Variants in IL17RC observed in about 807,000 individuals in gnomAD.
IL17RC encodes the protein interleukin 17 receptor C.
A neutral mutation model predicts 86.7 loss-of-function variants in IL17RC; 53 were observed. The ratio of observed to expected loss-of-function variants is 0.61; its 90% CI spans 0.49 to 0.77. The LOEUF is 0.77. Ranked by LOEUF, IL17RC falls within the 30% of genes least tolerant of loss-of-function variation. The pLI is 0.00. For missense variants in IL17RC, 957 were observed against 940.0 expected (o/e 1.02, Z -0.24); for synonymous variants, 439 against 413.1 (o/e 1.06, Z -0.76).
intron 5 of IL17RC, among the ~76,000 whole-genome samples, chr3:9,919,741 A>G (rs1344481310): frequency 6.6e-6 from 1 of 152,158 alleles, no homozygotes; most frequent in Non-Finnish European, 1.5e-5. Context: ...GCACTGAATA[A>G]TTTCAATAAA....
intron 7 of IL17RC, 24 bp from the exon 8 acceptor site, chr3:9,923,857 C>A (rs774307597): frequency 6.2e-7 from 1 of 1,612,706 alleles, no homozygotes; most frequent in East Asian, 2.2e-5. Flanking sequence ...GTCTAAGCTG[C>A]GCTCTCTTTG....
At chr3:9,920,789 T>C in intron 6 of IL17RC, 136 bp from the exon 7 acceptor site, 1 of 795,112 alleles carries the variant, frequency 1.3e-6, no homozygotes, top group African/African-American at 1.7e-5. Context: ...GGGAAGGTTC[T>C]TTGAGCATTG....
chr3:9,931,723 T>A (rs1575603773), intron 16 of IL17RC, among the ~76,000 whole-genome samples: 1 of 151,698 alleles, frequency 6.6e-6, no homozygotes, highest in Non-Finnish European at 1.5e-5. Flanking sequence ...GCCAGGCTGG[T>A]CTTGAACTCC....
chr3:9,932,696 C>T lies in IL17RC; in HGVS notation c.1476C>T (p.His492=), dbSNP rs577168413. 4 of 1,614,152 alleles carry T rather than the reference C, an allele frequency of 2.5e-6. No homozygotes were observed. The East Asian group carries it at 6.7e-5, about 27-fold the overall frequency. ...LSLILLLKKD[H]AKGWLRLLKQ... ...TCATCCTCCTTCTCAAAAAGGATCACGCGAAAGGTGAGCGCTTCCCGGCTC... is the reference window on the plus strand; with the variant it reads ...TCATCCTCCTTCTCAAAAAGGATCATGCGAAAGGTGAGCGCTTCCCGGCTC... Residue 492 remains histidine, a synonymous_variant, in exon 17 of 19, where the codon CAC becomes CAT. Coordinates refer to ENST00000403601, the MANE Select transcript of IL17RC (RefSeq NM_153460.4).
At position 9,924,088 on chromosome 3, in the gene IL17RC, A is replaced by G. The variant is rs1458755533; in HGVS notation, c.762+68A>G. 2.5e-6 allele frequency: 4 copies of G among 1,610,910 alleles called. No individual in the cohort carries two copies. In the South Asian group the frequency reaches 4.4e-5, roughly 18 times the overall value. ...ATGCCTGTGCAAAGGACGCAGTGCC[A>G]TATCAGAGAGGATCCTTGAAGAGGA... is the stretch of plus-strand genomic sequence containing the variant. On this transcript the variant is annotated intron_variant, in intron 8 of 18. Coordinates refer to ENST00000403601, the MANE Select transcript of IL17RC (RefSeq NM_153460.4).
chr3:9,929,710 G>A (rs1334588091), intron 12 of IL17RC, 142 bp from the exon 13 acceptor site: 10 of 835,224 alleles, frequency 1.2e-5, no homozygotes, highest in Non-Finnish European at 2.1e-5. Flanking sequence ...TAATCACCCA[G>A]CCTTGAATCC....
chr3:9,931,453 T>TCACACACACACACACACACA (rs201407577), intron 16 of IL17RC, among the ~76,000 whole-genome samples: 903 of 44,636 alleles, frequency 0.02, 12 homozygotes, highest in African/African-American at 0.036. Context: ...TTTATATATT[T>TCACACACACACACACACACA]CACACACACA....
rs755109180 is a variant in IL17RC at position 9,932,968 on chromosome 3, G to T, written c.1538G>T (p.Arg513Leu). The stretch of plus-strand genomic sequence containing the variant: ...TCTCCGGCAGCGGCCGCCAGGGGCC[G>T]CGCGGCTCTGCTCCTCTACTCAGCC... ...DVRSGAAARG[R>L]AALLLYSADD... is the part of the protein sequence containing the mutation. Residue 513 changes from arginine to leucine, a missense_variant, in exon 19 of 19, where the codon CGC (arginine) becomes CTC (leucine). Physicochemically the swap from Arg to Leu is moderately radical, Grantham distance 102. Coordinates refer to ENST00000403601, the MANE Select transcript of IL17RC (RefSeq NM_153460.4). 4.5e-5 allele frequency: 72 copies of T among 1,605,176 alleles called. No individual in the cohort carries two copies. The South Asian group carries it at 4.5e-4, about 10-fold the overall frequency.
chr3:9,928,056 C>T (rs192603983), intron 9 of IL17RC, 110 bp from the exon 10 acceptor site: 2 of 1,024,692 alleles, frequency 2.0e-6, no homozygotes, highest in Admixed American at 3.7e-5. Context: ...CAGGAAGACC[C>T]AGCAAGTGTT....
chr3:9,928,619 C>G lies in IL17RC; in HGVS notation c.1099C>G (p.Leu367Val), dbSNP rs773903331. The change falls in exon 12 of 19, where the codon CTC (leucine) becomes GTC (valine). Residue 367 changes from leucine (L) to valine (V), a missense_variant. Leu to Val is a conservative substitution (Grantham distance 32). Coordinates refer to ENST00000403601, the MANE Select transcript of IL17RC (RefSeq NM_153460.4). ...EFPLLKGHPNLCVQVNSSEKL... is the reference protein window; with the variant it reads ...EFPLLKGHPNVCVQVNSSEKL... ...CCCATTGCTGAAAGGCCACCCTAAC[C>G]TCTGTGTTCAGGTCAGAAAGGGGTG... is the stretch of plus-strand genomic sequence containing the variant. 68 of 1,613,762 alleles carry G rather than the reference C, an allele frequency of 4.2e-5. No individual in the cohort carries two copies. Among genetic ancestry groups the G allele is most frequent in the Admixed American group, 5.0e-5 (3 of 60,030 alleles).
At chr3:9,929,657 G>C (rs2125269749) in intron 12 of IL17RC, 195 bp from the exon 13 acceptor site, 2 of 679,872 alleles carry the variant, frequency 2.9e-6, no homozygotes, top group Admixed American at 2.2e-5. Context: ...GCTTTATACA[G>C]ATGATCTCAC....
At chr3:9,929,558 T>C in intron 12 of IL17RC, 1 of 440,748 alleles carries the variant, frequency 2.3e-6, no homozygotes. Context: ...AGCAGGGTGG[T>C]CATGTGAGAA....
chr3:9,926,532 A>T (rs2084092127), intron 9 of IL17RC, among the ~76,000 whole-genome samples: 1 of 152,126 alleles, frequency 6.6e-6, no homozygotes, highest in Non-Finnish European at 1.5e-5. Context: ...GAAGGCAAGC[A>T]AATCATATCT....
At position 9,933,191 on chromosome 3, in the gene IL17RC, G is replaced by A. The variant is rs1479330309; in HGVS notation, c.1761G>A (p.Ala587=). 1 of 1,608,014 alleles carries A rather than the reference G, an allele frequency of 6.2e-7. No homozygotes were observed. Among genetic ancestry groups the A allele is most frequent in the Non-Finnish European group, 8.5e-7 (1 of 1,178,054 alleles). ...VVLLFSPGAV[A]LCSEWLQDGV... is the part of the protein sequence containing the mutation. ...TGCTCTTCTCTCCCGGTGCGGTGGCGCTGTGCAGCGAGTGGCTACAGGATG... is the reference window on the plus strand; with the variant it reads ...TGCTCTTCTCTCCCGGTGCGGTGGCACTGTGCAGCGAGTGGCTACAGGATG... Residue 587 remains alanine, a synonymous_variant, in exon 19 of 19, where the codon GCG becomes GCA. Transcript: ENST00000403601.
chr3:9,931,262 T>TGGGGTGA (rs2084628362), intron 16 of IL17RC, among the ~76,000 whole-genome samples: 2 of 150,192 alleles, frequency 1.3e-5, no homozygotes, highest in Admixed American at 6.6e-5. Flanking sequence ...CTGACCTGGG[T>TGGGGTGA]GGGGTGAGGG....
chr3:9,917,754 A>T lies in IL17RC; in HGVS notation c.127+20A>T. 1 of 1,613,594 alleles carries T rather than the reference A, an allele frequency of 6.2e-7. No homozygotes were observed. Among genetic ancestry groups the T allele is most frequent in the Non-Finnish European group, 8.5e-7 (1 of 1,179,934 alleles). On this transcript the variant is annotated intron_variant, in intron 2 of 18. Coordinates refer to ENST00000403601, the MANE Select transcript of IL17RC (RefSeq NM_153460.4). ...TCTGGGGTAAGTATCCCTACTTTTA[A>T]AAAGAATTTCCCAGGTTGGCCGAAG...
chr3:9,925,215 A>T (rs1351906877), intron 9 of IL17RC, among the ~76,000 whole-genome samples: 3 of 43,428 alleles, frequency 6.9e-5, no homozygotes, highest in African/African-American at 1.0e-4. Flanking sequence ...TCCTGGGTTC[A>T]CGCCATTCTC....
chr3:9,930,571 A>G lies in IL17RC; in HGVS notation c.1338+112A>G. Reference sequence around the variant, plus strand: ...TTTTATGTTCAGCCCTGGGAAAGTTAAGAGTAGAAGAAGCACAGTTCCTAT... The same window carrying G: ...TTTTATGTTCAGCCCTGGGAAAGTTGAGAGTAGAAGAAGCACAGTTCCTAT... On this transcript the variant is annotated intron_variant, in intron 15 of 18. Coordinates refer to ENST00000403601, the MANE Select transcript of IL17RC (RefSeq NM_153460.4). This position sits in a 1 kb window ranked among gnomAD's most constrained non-coding sequence, Gnocchi z 5.8. The G allele has an allele frequency of 9.3e-7, 1 of 1,074,030 alleles. No homozygotes were observed. The highest frequency in any genetic ancestry group is 1.4e-5 in the South Asian group (1 of 69,188). 66.5% of individuals were successfully genotyped at this position (1,074,030 alleles called of 1,614,324 possible).
chr3:9,920,830 G>A, intron 6 of IL17RC, 95 bp from the exon 7 acceptor site: 1 of 950,386 alleles, frequency 1.1e-6, no homozygotes, highest in Non-Finnish European at 1.6e-6. Context: ...AGGGGATGGG[G>A]AGCCATTCCT....
Sources: gnomAD v4.1 joint callset for allele counts (sites outside exome capture counted in the v4.1 genomes callset) on GRCh38, gnomAD v4.1.1 for gene constraint, Gnocchi (gnomAD v3.1) non-coding constraint, MANE v1.5 for transcripts, NCBI Gene and HGNC (gene_info 2026-07-23, HGNC 2026-07-21) for gene names.